The following SGCZ variants were observed in gnomAD, a reference collection of about 807,000 sequenced individuals.
SGCZ encodes zeta-sarcoglycan.
SGCZ carries 40 observed loss-of-function variants against 41.3 expected under a neutral mutation model. The ratio of observed to expected loss-of-function variants is 0.97; its 90% CI spans 0.75 to 1.26. The LOEUF (loss-of-function observed/expected upper bound fraction) is 1.26. Among genes scored for constraint, SGCZ ranks in the 50% most tolerant of loss-of-function variants. SGCZ has a pLI of 0.00. For missense variants in SGCZ, 552 were observed against 369.8 expected, an observed-to-expected ratio of 1.49 and a Z score of -4.04; for synonymous variants, 206 against 137.5, an observed-to-expected ratio of 1.50 and a Z score of -3.49.
intron 1 of SGCZ, among the ~76,000 whole-genome samples, chr8:14,768,608 C>T (rs1415074409): frequency 6.6e-6 from 1 of 152,082 alleles, no homozygotes; most frequent in East Asian, 1.9e-4. Flanking sequence ...GGCCTGCATC[C>T]CTTCCCCATC....
At chr8:14,889,292 CA>C (rs200190975) in intron 1 of SGCZ, among the ~76,000 whole-genome samples, 250 of 135,062 alleles carry the variant, frequency 1.9e-3, no homozygotes, top group Middle Eastern at 3.8e-3. Context: ...GAAGACTGAC[CA>C]AAAAAAAAAA....
At chr8:14,247,090 T>A (rs1457233285) in intron 3 of SGCZ, among the ~76,000 whole-genome samples, 2 of 152,188 alleles carry the variant, frequency 1.3e-5, no homozygotes, top group Non-Finnish European at 2.9e-5. Context: ...TTAACTTGAA[T>A]GTGAAGTAAT....
At chr8:14,225,113 C>A (rs1806327897) in intron 4 of SGCZ, among the ~76,000 whole-genome samples, 1 of 152,062 alleles carries the variant, frequency 6.6e-6, no homozygotes, top group Non-Finnish European at 1.5e-5. Context: ...GTAGTTTGTA[C>A]TAGTTTTACG....
At chr8:14,715,688 C>T (rs574462957) in intron 1 of SGCZ, among the ~76,000 whole-genome samples, 130 of 152,214 alleles carry the variant, frequency 8.5e-4, no homozygotes, top group South Asian at 7.1e-3. Context: ...CTTAAAAAAG[C>T]TCTAGGCAGA....
chr8:15,051,306 C>T (rs545426357), intron 1 of SGCZ, among the ~76,000 whole-genome samples: 1 of 152,292 alleles, frequency 6.6e-6, no homozygotes, highest in South Asian at 2.1e-4. Flanking sequence ...TGGCTTCTTT[C>T]ACTCCACATA....
intron 2 of SGCZ, among the ~76,000 whole-genome samples, chr8:14,343,293 C>A (rs1005941324): frequency 4.6e-5 from 7 of 152,130 alleles, no homozygotes; most frequent in Non-Finnish European, 1.0e-4. Context: ...AGTGGAGCTG[C>A]AAGAAGAGGG....
intron 1 of SGCZ, among the ~76,000 whole-genome samples, chr8:14,771,021 G>C (rs1800218583): frequency 6.6e-6 from 1 of 152,080 alleles, no homozygotes; most frequent in Non-Finnish European, 1.5e-5. Context: ...GGCTTTTTCA[G>C]GCAAAGCAAA....
intron 2 of SGCZ, among the ~76,000 whole-genome samples, chr8:14,430,756 T>C (rs1799921447): frequency 1.3e-5 from 2 of 152,180 alleles, no homozygotes; most frequent in Admixed American, 1.3e-4. Context: ...AGTCAAAATG[T>C]CGTTGTTTAC....
At chr8:14,289,284 T>A (rs1446504642) in intron 3 of SGCZ, among the ~76,000 whole-genome samples, 2 of 152,038 alleles carry the variant, frequency 1.3e-5, no homozygotes, top group Non-Finnish European at 2.9e-5. Flanking sequence ...GAAGTATAAT[T>A]TATCTGTTAT....
chr8:14,950,757 T>C (rs370940107), intron 1 of SGCZ, among the ~76,000 whole-genome samples: 1 of 152,042 alleles, frequency 6.6e-6, no homozygotes, highest in African/African-American at 2.4e-5. Flanking sequence ...GTTGAATGCA[T>C]GAGGATACGT....
At chr8:14,166,597 G>A (rs936058410) in intron 4 of SGCZ, among the ~76,000 whole-genome samples, 4 of 152,096 alleles carry the variant, frequency 2.6e-5, no homozygotes, top group Non-Finnish European at 5.9e-5. Context: ...ATACTCAGTT[G>A]CTGAGCATAA....
intron 1 of SGCZ, among the ~76,000 whole-genome samples, chr8:15,012,721 G>T (rs925432000): frequency 1.4e-5 from 2 of 141,520 alleles, no homozygotes; most frequent in Non-Finnish European, 3.0e-5. Context: ...GTTATAAAGA[G>T]AAATATATAA....
intron 1 of SGCZ, among the ~76,000 whole-genome samples, chr8:15,172,224 C>T (rs1203396450): frequency 3.3e-5 from 4 of 122,910 alleles, no homozygotes; most frequent in African/African-American, 1.3e-4. Context: ...CGCAGTGGCG[C>T]GATCTCGACT....
intron 1 of SGCZ, among the ~76,000 whole-genome samples, chr8:14,619,265 A>C (rs1399284784): frequency 1.3e-5 from 2 of 152,162 alleles, no homozygotes; most frequent in African/African-American, 4.8e-5. Flanking sequence ...ACTCTCAATA[A>C]ATTAGGTATT....
chr8:14,571,408 C>T (rs1804548816), intron 1 of SGCZ, among the ~76,000 whole-genome samples: 1 of 152,122 alleles, frequency 6.6e-6, no homozygotes, highest in Non-Finnish European at 1.5e-5. Context: ...CTGTTTTTAG[C>T]AACACCTGTC....
intron 1 of SGCZ, among the ~76,000 whole-genome samples, chr8:15,158,035 C>A (rs1233997824): frequency 6.6e-6 from 1 of 152,026 alleles, no homozygotes. Flanking sequence ...CATGCACTTG[C>A]CTCTCACCAC....
At chr8:14,934,537 G>A (rs1282856266) in intron 1 of SGCZ, among the ~76,000 whole-genome samples, 1 of 151,596 alleles carries the variant, frequency 6.6e-6, no homozygotes, top group Non-Finnish European at 1.5e-5. Context: ...TAGAACTGAA[G>A]AAAATACGAA....
At chr8:15,166,803 AT>A (rs1242993489) in intron 1 of SGCZ, among the ~76,000 whole-genome samples, 1 of 152,188 alleles carries the variant, frequency 6.6e-6, no homozygotes, top group Admixed American at 6.5e-5. Context: ...GTGGTTTATA[AT>A]GAGTTATAGA....
chr8:14,161,501 C>A (rs1049764536), intron 5 of SGCZ, among the ~76,000 whole-genome samples: 4 of 152,096 alleles, frequency 2.6e-5, no homozygotes, highest in South Asian at 2.1e-4. Context: ...ATGAAATATT[C>A]TCTAATTTAC....
Sources: gnomAD v4.1 joint callset for allele counts (sites outside exome capture counted in the v4.1 genomes callset) on GRCh38, gnomAD v4.1.1 for gene constraint, MANE v1.5 for transcripts, NCBI Gene and HGNC (gene_info 2026-07-23, HGNC 2026-07-21) for gene names.